Variants in RYR2 observed in about 807,000 individuals in gnomAD.
The protein encoded by RYR2 is cardiac muscle ryanodine receptor-calcium release channel.
A neutral mutation model predicts 601.1 loss-of-function variants in RYR2; 227 were observed. The observed-to-expected ratio is 0.38, with a 90% CI of 0.34 to 0.42. The LOEUF (loss-of-function observed/expected upper bound fraction) is 0.42, where lower values mean the gene tolerates loss of function less well. Ranked by LOEUF, RYR2 falls within the 10% of genes least tolerant of loss-of-function variation. The pLI, the probability that RYR2 is intolerant of heterozygous loss-of-function variation, is 1.00. For missense variants in RYR2, 4,646 were observed against 6,156.5 expected (o/e 0.75, Z 8.21); for synonymous variants, 2,223 against 2,175.1 (o/e 1.02, Z -0.61).
At chr1:237,636,786 G>A (rs1237635051) in intron 44 of RYR2, among the ~76,000 whole-genome samples, 3 of 152,122 alleles carry the variant, frequency 2.0e-5, no homozygotes, top group Non-Finnish European at 4.4e-5. Context: ...CTTGAATACC[G>A]ACCATCAATG....
At position 237,189,879 on chromosome 1, in the gene RYR2, AT is replaced by A. The variant is rs61306892; in HGVS notation, c.49-80607del. 1.1e-3 allele frequency among the ~76,000 whole-genome samples: 122 copies of A among 107,762 alleles called. 1 individual carries two copies. The highest frequency in any genetic ancestry group is 2.7e-3 in the African/African-American group (103 of 38,006). 70.7% of individuals were successfully genotyped at this position (107,762 alleles called of 152,430 possible). On this transcript the variant is annotated intron_variant, in intron 1 of 104. Coordinates refer to ENST00000366574, the MANE Select transcript of RYR2 (RefSeq NM_001035.3). Reference sequence around the variant, plus strand: ...TCCATACTGTTTTATTTTTATTTTTATTTTTTTTTTTGAGACAGAGTTTCAC... The same window carrying A: ...TCCATACTGTTTTATTTTTATTTTTATTTTTTTTTTGAGACAGAGTTTCAC...
intron 1 of RYR2, among the ~76,000 whole-genome samples, chr1:237,202,525 A>T (rs1489980472): frequency 6.6e-6 from 1 of 152,046 alleles, no homozygotes. Context: ...CTCCTGCCTC[A>T]GCCTCTTGAG....
rs138628694 is a variant in RYR2 at position 237,144,028 on chromosome 1, C to T, written c.48+101459C>T. Among the ~76,000 whole-genome samples, 1,188 of 151,992 alleles carry T rather than the reference C, an allele frequency of 7.8e-3. 10 individuals carry two copies. Among genetic ancestry groups the T allele is most frequent in the Non-Finnish European group, 0.012 (812 of 67,990 alleles). On this transcript the variant is annotated intron_variant, in intron 1 of 104. Transcript: ENST00000366574. ...CCTGTAGTCCCAGCTACTCAGGAGG[C>T]TGAGGCAGGAGAATTGCTTGAACCC...
intron 29 of RYR2, among the ~76,000 whole-genome samples, chr1:237,583,244 T>C (rs886411273): frequency 2.0e-5 from 3 of 152,170 alleles, no homozygotes; most frequent in Non-Finnish European, 4.4e-5. Flanking sequence ...TATCTGTTCA[T>C]GTTTTTTTGC....
At chr1:237,591,451 C>T (rs903058769) in intron 31 of RYR2, among the ~76,000 whole-genome samples, 14 of 151,992 alleles carry the variant, frequency 9.2e-5, no homozygotes, top group African/African-American at 3.4e-4. Context: ...ATCAGAGTTT[C>T]TCAGTCTCAG....
chr1:237,330,498 C>T (rs1195703237), intron 2 of RYR2, among the ~76,000 whole-genome samples: 2 of 152,228 alleles, frequency 1.3e-5, no homozygotes, highest in African/African-American at 2.4e-5. Context: ...AACTATTCTC[C>T]AGCCTCAGCC....
rs969798714 is a variant in RYR2, at chr1:237,639,214, T to A, written c.7115+13T>A. 1.9e-6 allele frequency: 3 copies of A among 1,601,394 alleles called. No homozygotes were observed. The highest frequency in any genetic ancestry group is 2.6e-6 in the Non-Finnish European group (3 of 1,171,938). ...CCAGTAAAACACTGTAGGTCTAATA[T>A]ACACACCCTCACGAGTGATCCATAC... On this transcript the variant is annotated intron_variant, in intron 46 of 104. Transcript: ENST00000366574.
At chr1:237,196,375 C>A (rs889822808) in intron 1 of RYR2, among the ~76,000 whole-genome samples, 1 of 152,108 alleles carries the variant, frequency 6.6e-6, no homozygotes, top group Non-Finnish European at 1.5e-5. Context: ...TTATCTTATT[C>A]ACTTCTCCAC....
intron 29 of RYR2, among the ~76,000 whole-genome samples, chr1:237,584,279 C>T (rs937304105): frequency 3.3e-5 from 5 of 152,156 alleles, no homozygotes; most frequent in Admixed American, 2.6e-4. Flanking sequence ...TTATGTTTAG[C>T]TATGGAGTGA....
chr1:237,500,703 C>T lies in RYR2; in HGVS notation c.2204-8C>T, dbSNP rs1164164354. ...ACATGACCTTCCTTAATGTTTTCCCCCCAATAGGTTGTATTGCTCGTACTG... is the reference window on the plus strand; with the variant it reads ...ACATGACCTTCCTTAATGTTTTCCCTCCAATAGGTTGTATTGCTCGTACTG... On this transcript the variant is annotated splice_region_variant and splice_polypyrimidine_tract_variant and intron_variant, in intron 20 of 104. Transcript: ENST00000366574. 1 of 1,586,614 alleles carries T rather than the reference C, an allele frequency of 6.3e-7. No homozygotes were observed. The highest frequency in any genetic ancestry group is 1.3e-5 in the African/African-American group (1 of 74,206).
rs1307224641 is a variant in RYR2, at chr1:237,604,937, A to G, written c.4683+2826A>G. Among the ~76,000 whole-genome samples the G allele has an allele frequency of 1.3e-5, 2 of 152,186 alleles. 1 individual carries two copies. The highest frequency in any genetic ancestry group is 4.8e-5 in the African/African-American group (2 of 41,448). ...ACATTGAGGCAATAATTAATAGCCT[A>G]CCAACCAAAAAAAGTCCAGGACCAG... On this transcript the variant is annotated intron_variant, in intron 35 of 104. Transcript: ENST00000366574.
intron 1 of RYR2, among the ~76,000 whole-genome samples, chr1:237,185,905 A>G (rs115024123): frequency 0.045 from 6,822 of 152,280 alleles, 493 homozygotes; most frequent in African/African-American, 0.15. Context: ...CACTTCTGCC[A>G]CACAGTCTTC....
intron 1 of RYR2, among the ~76,000 whole-genome samples, chr1:237,140,858 A>G (rs1673313460): frequency 1.3e-5 from 2 of 152,186 alleles, no homozygotes; most frequent in Non-Finnish European, 2.9e-5. Flanking sequence ...GCCTCTTAGT[A>G]TCCTTCAGAT....
At position 237,756,491 on chromosome 1, in the gene RYR2, G is replaced by A. The variant is rs560386025; in HGVS notation, c.11245+104G>A. On this transcript the variant is annotated intron_variant, in intron 81 of 104. Transcript: ENST00000366574. ...ATTCCACTGACTCATTTAGTCCTGG[G>A]GTTTCTGGTTCATGACTATATCAGG... The A allele has an allele frequency of 5.9e-6, 4 of 681,772 alleles. No homozygotes were observed. The East Asian group carries it at 8.1e-5, about 14-fold the overall frequency. 42.2% of individuals were successfully genotyped at this position (681,772 alleles called of 1,614,324 possible). A position where few individuals can be genotyped will look rare whatever the true frequency, so the allele number is the denominator to read the frequency against.
intron 63 of RYR2, among the ~76,000 whole-genome samples, chr1:237,696,655 C>G (rs569458446): frequency 5.2e-4 from 79 of 150,714 alleles, no homozygotes; most frequent in African/African-American, 1.8e-3. Context: ...CCACCCCCGC[C>G]GCATCCCCTT....
chr1:237,488,678 C>CTG (rs1662975668), intron 17 of RYR2, among the ~76,000 whole-genome samples: 2 of 152,134 alleles, frequency 1.3e-5, no homozygotes, highest in African/African-American at 4.8e-5. Flanking sequence ...CTAACTGATA[C>CTG]ATATATTCTC....
At chr1:237,544,357 T>C (rs1384615790) in intron 25 of RYR2, among the ~76,000 whole-genome samples, 1 of 152,134 alleles carries the variant, frequency 6.6e-6, no homozygotes, top group African/African-American at 2.4e-5. Context: ...CTGGCAGAAG[T>C]TTCTCATGAT....
intron 1 of RYR2, among the ~76,000 whole-genome samples, chr1:237,123,728 T>C (rs938730426): frequency 2.2e-5 from 3 of 135,670 alleles, no homozygotes; most frequent in Non-Finnish European, 3.0e-5. Context: ...ACTGCAGTGG[T>C]GCAATCTCGG....
chr1:237,632,389 CTTTTTTT>C (rs11448751), intron 42 of RYR2, among the ~76,000 whole-genome samples: 2 of 127,370 alleles, frequency 1.6e-5, no homozygotes, highest in African/African-American at 2.8e-5. Context: ...AAAGTGAATT[CTTTTTTT>C]TTTTTTTTTT....
Sources: gnomAD v4.1 joint callset for allele counts (sites outside exome capture counted in the v4.1 genomes callset) on GRCh38, gnomAD v4.1.1 for gene constraint, MANE v1.5 for transcripts, NCBI Gene and HGNC (gene_info 2026-07-23, HGNC 2026-07-21) for gene names.